The following CCSER1 variants were observed in gnomAD, a reference collection of about 807,000 sequenced individuals.
CCSER1 encodes the protein serine-rich coiled-coil domain-containing protein 1.
CCSER1 carries 41 observed loss-of-function variants against 82.0 expected under a neutral mutation model. The ratio of observed to expected loss-of-function variants is 0.50; its 90% CI spans 0.39 to 0.65. The LOEUF (loss-of-function observed/expected upper bound fraction) is 0.65. Among genes scored for constraint, CCSER1 ranks in the 30% least tolerant of loss-of-function variants. CCSER1 has a pLI of 0.00. For synonymous variants in CCSER1, 414 were observed against 383.9 expected, an observed-to-expected ratio of 1.08 and a Z score of -0.92; for missense variants, 1,119 against 1,064.2, an observed-to-expected ratio of 1.05 and a Z score of -0.72.
chr4:90,616,577 T>C (rs1358774770), intron 5 of CCSER1, among the ~76,000 whole-genome samples: 1 of 151,500 alleles, frequency 6.6e-6, no homozygotes, highest in African/African-American at 2.4e-5. Context: ...CCCAGATACT[T>C]GGGAGGCTGA....
At chr4:90,616,876 G>T (rs529397077) in intron 5 of CCSER1, among the ~76,000 whole-genome samples, 1 of 152,092 alleles carries the variant, frequency 6.6e-6, no homozygotes, top group Non-Finnish European at 1.5e-5. Context: ...TTAGAGTTTG[G>T]CTTAAGAAGC....
At chr4:90,362,901 A>G (rs916361849) in intron 3 of CCSER1, among the ~76,000 whole-genome samples, 1 of 152,106 alleles carries the variant, frequency 6.6e-6, no homozygotes, top group Non-Finnish European at 1.5e-5. Context: ...GAGTACATTT[A>G]TTTTGTCAAT....
chr4:90,682,682 T>G lies in CCSER1; in HGVS notation c.1933-41232T>G, dbSNP rs567882826. On this transcript the variant is annotated intron_variant, in intron 6 of 10. Coordinates refer to ENST00000509176, the MANE Select transcript of CCSER1 (RefSeq NM_001145065.2). ...CCTGTGCCTTGACAGAAAAAAGAAG[T>G]GCTTCTTGTTGTGCACTAATAATAT... Among the ~76,000 whole-genome samples, 73 of 152,144 alleles carry G rather than the reference T, an allele frequency of 4.8e-4. 1 individual carries two copies. In the South Asian group the frequency reaches 0.014, roughly 29 times the overall value.
chr4:90,449,537 G>C (rs76412080), intron 4 of CCSER1, among the ~76,000 whole-genome samples: 1 of 152,200 alleles, frequency 6.6e-6, no homozygotes, highest in African/African-American at 2.4e-5. Context: ...TTTCTGCCGA[G>C]GAGTGCCTGC....
chr4:90,973,043 C>A (rs1418812468), intron 9 of CCSER1, among the ~76,000 whole-genome samples: 1 of 151,664 alleles, frequency 6.6e-6, no homozygotes, highest in African/African-American at 2.4e-5. Flanking sequence ...AGACATAATA[C>A]CTGAAACTAT....
chr4:90,663,266 G>A (rs946700031), intron 6 of CCSER1, among the ~76,000 whole-genome samples: 1 of 152,084 alleles, frequency 6.6e-6, no homozygotes, highest in Non-Finnish European at 1.5e-5. Flanking sequence ...TATTAAAGTA[G>A]ATATTAACAT....
chr4:90,233,614 A>G (rs1745139300), intron 1 of CCSER1, among the ~76,000 whole-genome samples: 1 of 137,134 alleles, frequency 7.3e-6, no homozygotes, highest in Non-Finnish European at 1.5e-5. Flanking sequence ...CCTAAAACTT[A>G]AAGTATAATA....
At chr4:90,348,526 C>T (rs59354419) in intron 3 of CCSER1, among the ~76,000 whole-genome samples, 1 of 152,200 alleles carries the variant, frequency 6.6e-6, no homozygotes, top group Non-Finnish European at 1.5e-5. Flanking sequence ...TATATTCCAG[C>T]TACATTGTAT....
chr4:91,107,983 A>T (rs114392313), intron 10 of CCSER1: 1 of 152,258 alleles, frequency 6.6e-6, no homozygotes, highest in Non-Finnish European at 1.5e-5. Context: ...TTTCTGCCAT[A>T]CCGATGTCCT....
At position 91,131,816 on chromosome 4, in the gene CCSER1, G is replaced by C. The variant is rs1455315346; in HGVS notation, c.2217+45822G>C. Among the ~76,000 whole-genome samples, 5 of 152,002 alleles carry C rather than the reference G, an allele frequency of 3.3e-5. No homozygotes were observed. In the South Asian group the frequency reaches 1.0e-3, roughly 32 times the overall value. On this transcript the variant is annotated intron_variant, in intron 10 of 10. Coordinates refer to ENST00000509176, the MANE Select transcript of CCSER1 (RefSeq NM_001145065.2). Reference sequence around the variant, plus strand: ...TGATCTATTTCAAAGTAAAAAGCTGGGGAGAACAATGGGGTGAAATAGTGA... The same window carrying C: ...TGATCTATTTCAAAGTAAAAAGCTGCGGAGAACAATGGGGTGAAATAGTGA...
intron 1 of CCSER1, among the ~76,000 whole-genome samples, chr4:90,132,114 T>A (rs1369672753): frequency 6.6e-6 from 1 of 152,248 alleles, no homozygotes; most frequent in African/African-American, 2.4e-5. Context: ...AGATAAGAGT[T>A]ATTACAAAAG....
intron 3 of CCSER1, among the ~76,000 whole-genome samples, chr4:90,363,421 T>C (rs1240881983): frequency 6.6e-6 from 1 of 152,164 alleles, no homozygotes. Context: ...GCCACATAAA[T>C]TGGTGAATGA....
intron 5 of CCSER1, among the ~76,000 whole-genome samples, chr4:90,565,768 G>T (rs887831789): frequency 6.6e-6 from 1 of 151,622 alleles, no homozygotes; most frequent in African/African-American, 2.4e-5. Context: ...AAATGATTGT[G>T]TGGTTTTTGT....
intron 1 of CCSER1, among the ~76,000 whole-genome samples, chr4:90,233,349 C>T (rs1248861148): frequency 5.3e-5 from 8 of 152,056 alleles, no homozygotes; most frequent in Admixed American, 3.3e-4. Flanking sequence ...TGGAAATCAT[C>T]ATTCTCAGTA....
At chr4:90,410,158 A>G (rs1053106615) in intron 4 of CCSER1, among the ~76,000 whole-genome samples, 2 of 152,170 alleles carry the variant, frequency 1.3e-5, no homozygotes, top group Admixed American at 6.5e-5. Flanking sequence ...ACAAAGAGAC[A>G]TAGATTCCCA....
chr4:91,434,755 A>G lies in CCSER1; in HGVS notation c.2218-163817A>G, dbSNP rs374016187. 5.3e-5 allele frequency among the ~76,000 whole-genome samples: 8 copies of G among 152,288 alleles called. No homozygotes were observed. The East Asian group carries it at 1.5e-3, about 29-fold the overall frequency. ...TGACCTAAATCTGAACTTGCCATAC[A>G]TATTCCTATGATACAAATGAGCCAA... On this transcript the variant is annotated intron_variant, in intron 10 of 10. Coordinates refer to ENST00000509176, the MANE Select transcript of CCSER1 (RefSeq NM_001145065.2).
intron 10 of CCSER1, among the ~76,000 whole-genome samples, chr4:91,438,863 C>T (rs1375344611): frequency 1.3e-5 from 2 of 152,016 alleles, no homozygotes; most frequent in African/African-American, 4.8e-5. Flanking sequence ...ATGCGATCAA[C>T]TGGAAGAAAG....
At chr4:90,265,387 AAAAGT>A (rs1257317270) in intron 1 of CCSER1, among the ~76,000 whole-genome samples, 1 of 151,898 alleles carries the variant, frequency 6.6e-6, no homozygotes, top group Non-Finnish European at 1.5e-5. Flanking sequence ...CAGGTATTAA[AAAAGT>A]AAAGTAAAAT....
At chr4:91,416,316 A>G (rs1753360183) in intron 10 of CCSER1, among the ~76,000 whole-genome samples, 2 of 152,136 alleles carry the variant, frequency 1.3e-5, no homozygotes, top group Non-Finnish European at 2.9e-5. Flanking sequence ...CCATTAAACT[A>G]CCATTGACAT....
Sources: gnomAD v4.1 joint callset for allele counts (sites outside exome capture counted in the v4.1 genomes callset) on GRCh38, gnomAD v4.1.1 for gene constraint, MANE v1.5 for transcripts, NCBI Gene and HGNC (gene_info 2026-07-23, HGNC 2026-07-21) for gene names.